Variants in NSFL1C observed in about 807,000 individuals in gnomAD.
NSFL1C encodes NSFL1 cofactor.
Under a neutral mutation model 43.1 loss-of-function variants are expected in NSFL1C, and 14 were observed. The ratio of observed to expected loss-of-function variants is 0.32; its 90% CI spans 0.21 to 0.51. The LOEUF is 0.51. NSFL1C is among the 20% of genes least tolerant of loss of function. The probability of loss-of-function intolerance (pLI) is 0.98; values close to 1 mark genes in which losing one functional copy is unlikely to be tolerated. For missense variants in NSFL1C, 406 were observed against 472.5 expected (o/e 0.86, Z 1.30); for synonymous variants, 171 against 183.5 (o/e 0.93, Z 0.55).
rs1287741571 is a variant in NSFL1C, at chr20:1,443,104, C to G, written c.*645G>C. 1.3e-5 allele frequency: 2 copies of G among 152,256 alleles called. No homozygotes were observed. Among genetic ancestry groups the G allele is most frequent in the African/African-American group, 2.4e-5 (1 of 41,442 alleles). 9.4% of individuals were successfully genotyped at this position (152,256 alleles called of 1,614,324 possible). ...CAGGCAGGCAGGTGGAACAGAATCT[C>G]AACTGGCCAAGACCTGGCAAGATTA... On this transcript the variant is annotated 3_prime_UTR_variant, in exon 9 of 9. Coordinates refer to ENST00000216879, the MANE Select transcript of NSFL1C (RefSeq NM_016143.5).
chr20:1,453,617 C>T (rs577053848), intron 5 of NSFL1C, among the ~76,000 whole-genome samples: 25 of 152,032 alleles, frequency 1.6e-4, no homozygotes, highest in Non-Finnish European at 3.2e-4. Context: ...GCAGCTGCCT[C>T]GGAGGATAAA....
At chr20:1,446,297 G>T in intron 7 of NSFL1C, 1 of 240,528 alleles carries the variant, frequency 4.2e-6, no homozygotes, top group South Asian at 4.3e-5. Context: ...CAGGATGCAG[G>T]CAAAGCAATC....
chr20:1,446,138 AAGCAGGAC>A (rs1236663302), intron 7 of NSFL1C: 13 of 483,672 alleles, frequency 2.7e-5, no homozygotes, highest in African/African-American at 2.6e-4. Context: ...GAAGGGAGGA[AAGCAGGAC>A]AGCCTAGGGT....
intron 7 of NSFL1C, among the ~76,000 whole-genome samples, chr20:1,450,329 T>A (rs1429833111): frequency 1.3e-5 from 2 of 151,986 alleles, no homozygotes; most frequent in Non-Finnish European, 2.9e-5. Flanking sequence ...CTTAACTTTA[T>A]AAAACTGTGG....
In NSFL1C at chr20:1,446,101, T is replaced by C. The variant is rs752201491; in HGVS notation, c.786-271A>G. ...GCAAGTTACTCGGCCTTTTTCCTCC[T>C]TGGTGTCTTCAACTGAACAAGGGCT... On this transcript the variant is annotated intron_variant, in intron 7 of 8. Transcript: ENST00000216879. 6.0e-5 allele frequency: 32 copies of C among 530,944 alleles called. 1 individual carries two copies. The highest frequency in any genetic ancestry group is 5.7e-4 in the Middle Eastern group (2 of 3,532). The allele number at this position is 530,944 out of a possible 1,614,324, so 32.9% of individuals were successfully genotyped here. A position where few individuals can be genotyped will look rare whatever the true frequency, so the allele number is the denominator to read the frequency against.
intron 3 of NSFL1C, chr20:1,457,171 T>C (rs2090319668): frequency 1.3e-5 from 2 of 152,212 alleles, no homozygotes; most frequent in Admixed American, 1.3e-4. Flanking sequence ...ATAAGCCTAT[T>C]ATTCTGTTTT....
intron 3 of NSFL1C, chr20:1,455,667 T>C (rs1197166141): frequency 1.3e-6 from 1 of 779,696 alleles, no homozygotes; most frequent in Non-Finnish European, 2.4e-6. Flanking sequence ...TGTGACTCAC[T>C]TTCCTTGTCT....
chr20:1,451,451 T>C (rs923327364), intron 7 of NSFL1C, among the ~76,000 whole-genome samples: 1 of 152,216 alleles, frequency 6.6e-6, no homozygotes, highest in Non-Finnish European at 1.5e-5. Context: ...TGTCTCATTG[T>C]GCAGGAGTGC....
At chr20:1,447,425 GTTTT>G (rs112797476) in intron 7 of NSFL1C, among the ~76,000 whole-genome samples, 2 of 138,338 alleles carry the variant, frequency 1.4e-5, no homozygotes, top group Admixed American at 1.4e-4. Flanking sequence ...AATGTTATGA[GTTTT>G]TTTTTTTTTT....
intron 8 of NSFL1C, among the ~76,000 whole-genome samples, chr20:1,444,480 C>T (rs369945166): frequency 2.6e-5 from 4 of 152,238 alleles, no homozygotes; most frequent in Non-Finnish European, 5.9e-5. Context: ...TGGTCAACTT[C>T]TCAGGGCCAG....
chr20:1,455,150 C>T lies in NSFL1C; in HGVS notation c.279-18G>A, dbSNP rs1445712323. The T allele has an allele frequency of 5.0e-6, 8 of 1,614,082 alleles. No homozygotes were observed. Among genetic ancestry groups the T allele is most frequent in the Non-Finnish European group, 6.8e-6 (8 of 1,179,922 alleles). On this transcript the variant is annotated intron_variant, in intron 3 of 8. Coordinates refer to ENST00000216879, the MANE Select transcript of NSFL1C (RefSeq NM_016143.5). ...CATAAAACCTGTGTACAAAATACAC[C>T]TCTAACATGAAACACTCATGGAAAA...
chr20:1,454,958 T>TA lies in NSFL1C; in HGVS notation c.444+8dup. The TA allele has an allele frequency of 8.7e-6, 14 of 1,612,644 alleles. No homozygotes were observed. Among genetic ancestry groups the TA allele is most frequent in the Non-Finnish European group, 1.2e-5 (14 of 1,179,784 alleles). Reference sequence around the variant, plus strand: ...TCCTGTGGGCACAGACAATGACCCTTATACTCACTCTCGGTTTACTGGTCT... The same window carrying TA: ...TCCTGTGGGCACAGACAATGACCCTTAATACTCACTCTCGGTTTACTGGTCT... On this transcript the variant is annotated intron_variant, in intron 4 of 8. Transcript: ENST00000216879.
chr20:1,454,452 T>C (rs1486204213), intron 4 of NSFL1C, 147 bp from the exon 5 acceptor site: 3 of 621,940 alleles, frequency 4.8e-6, no homozygotes, highest in Non-Finnish European at 8.5e-6. Context: ...GCACTTTCTC[T>C]GATATCAGAC....
intron 2 of NSFL1C, 126 bp downstream of exon 2, chr20:1,464,203 T>C: frequency 2.7e-6 from 2 of 749,346 alleles, no homozygotes; most frequent in Non-Finnish European, 4.7e-6. Flanking sequence ...GTACTACCCA[T>C]TGACTCAGTC....
intron 4 of NSFL1C, 90 bp from the exon 5 acceptor site, chr20:1,454,395 G>A (rs969809366): frequency 1.0e-5 from 9 of 884,106 alleles, no homozygotes; most frequent in Non-Finnish European, 1.3e-5. Context: ...TTAGGTAAGA[G>A]GAAGAAAGAG....
rs1363605789 is a variant in NSFL1C at position 1,443,655 on chromosome 20, G to C, written c.*94C>G. 2 of 1,327,596 alleles carry C rather than the reference G, an allele frequency of 1.5e-6. No individual in the cohort carries two copies. Among genetic ancestry groups the C allele is most frequent in the Non-Finnish European group, 2.1e-6 (2 of 938,894 alleles). The allele number at this position is 1,327,596 out of a possible 1,614,324, so 82.2% of individuals were successfully genotyped here. ...GAGGAGACGTTGCACTGGACTGCTG[G>C]GTGTGCACAAGGGGGCAGGAGGGGC... On this transcript the variant is annotated 3_prime_UTR_variant, in exon 9 of 9. Transcript: ENST00000216879.
At chr20:1,458,765 G>A (rs993631471) in intron 2 of NSFL1C, among the ~76,000 whole-genome samples, 12 of 152,122 alleles carry the variant, frequency 7.9e-5, no homozygotes, top group African/African-American at 2.9e-4. Flanking sequence ...TAGCATTATA[G>A]GAAAGCAGCA....
chr20:1,445,176 G>A (rs1021787594), intron 8 of NSFL1C, among the ~76,000 whole-genome samples: 3 of 152,294 alleles, frequency 2.0e-5, no homozygotes, highest in South Asian at 2.1e-4. Flanking sequence ...TCTGAGATGT[G>A]GAGCAGGCAT....
chr20:1,443,693 G>T lies in NSFL1C; in HGVS notation c.*56C>A. The T allele has an allele frequency of 1.9e-6, 3 of 1,584,326 alleles. No homozygotes were observed. The highest frequency in any genetic ancestry group is 1.7e-6 in the Non-Finnish European group (2 of 1,154,596). ...GGGCAGGAGGGGCGATCCCCATGGG[G>T]CATGGCCACTGGCCATGGGAAACAC... On this transcript the variant is annotated 3_prime_UTR_variant, in exon 9 of 9. Transcript: ENST00000216879.
Sources: allele counts gnomAD v4.1 joint callset (sites outside exome capture counted in the v4.1 genomes callset), GRCh38; gene constraint gnomAD v4.1.1; transcripts MANE v1.5; gene names NCBI Gene and HGNC (gene_info 2026-07-23, HGNC 2026-07-21).